The following ST8SIA4 variants were observed in gnomAD, a reference collection of about 807,000 sequenced individuals.
ST8SIA4 encodes the protein CMP-N-acetylneuraminate-poly-alpha-2,8-sialyltransferase.
A neutral mutation model predicts 33.9 loss-of-function variants in ST8SIA4; 15 were observed. That is an observed-to-expected ratio of 0.44 (90% CI 0.30 to 0.68). The LOEUF (loss-of-function observed/expected upper bound fraction) is 0.68, where lower values mean the gene tolerates loss of function less well. Ranked by LOEUF, ST8SIA4 falls within the 30% of genes least tolerant of loss-of-function variation. The probability of loss-of-function intolerance (pLI) is 0.10; values close to 1 mark genes in which losing one functional copy is unlikely to be tolerated. For synonymous variants in ST8SIA4, 171 were observed against 151.2 expected (o/e 1.13, Z -0.96); for missense variants, 321 against 428.0 (o/e 0.75, Z 2.21).
intron 4 of ST8SIA4, among the ~76,000 whole-genome samples, chr5:100,840,199 C>A (rs1751444509): frequency 6.6e-6 from 1 of 151,566 alleles, no homozygotes; most frequent in Non-Finnish European, 1.5e-5. Context: ...TTTCCTTTCA[C>A]CCTTTTATTT....
At chr5:100,883,988 C>A (rs970822404) in intron 3 of ST8SIA4, among the ~76,000 whole-genome samples, 9 of 151,896 alleles carry the variant, frequency 5.9e-5, no homozygotes, top group Admixed American at 5.2e-4. Flanking sequence ...CAATAGTGGA[C>A]AAGAAACTAA....
intron 4 of ST8SIA4, among the ~76,000 whole-genome samples, chr5:100,814,190 C>G (rs527484370): frequency 1.3e-5 from 2 of 152,062 alleles, no homozygotes; most frequent in Non-Finnish European, 2.9e-5. Flanking sequence ...GACGTGAAAT[C>G]ACTCCAAATT....
chr5:100,901,855 C>T (rs1015792681), intron 1 of ST8SIA4, among the ~76,000 whole-genome samples: 10 of 152,202 alleles, frequency 6.6e-5, no homozygotes, highest in African/African-American at 2.4e-4. Flanking sequence ...ATCTCTCTCT[C>T]TCTCACACAC....
intron 4 of ST8SIA4, among the ~76,000 whole-genome samples, chr5:100,851,712 T>A (rs1266176847): frequency 6.6e-6 from 1 of 152,124 alleles, no homozygotes; most frequent in Admixed American, 6.5e-5. Context: ...TAAGAAATTC[T>A]CGTCATAGTT....
chr5:100,892,523 T>G (rs1752694428), intron 2 of ST8SIA4, among the ~76,000 whole-genome samples: 1 of 152,046 alleles, frequency 6.6e-6, no homozygotes, highest in Non-Finnish European at 1.5e-5. Flanking sequence ...CTTGGTGTGC[T>G]TATGAAAATA....
chr5:100,868,528 C>T (rs771957145), intron 3 of ST8SIA4, among the ~76,000 whole-genome samples: 20 of 152,054 alleles, frequency 1.3e-4, no homozygotes, highest in Non-Finnish European at 2.1e-4. Flanking sequence ...TTAAAATGTA[C>T]GTTTAATCAT....
intron 1 of ST8SIA4, among the ~76,000 whole-genome samples, chr5:100,897,575 C>T (rs898076600): frequency 1.3e-5 from 2 of 152,056 alleles, no homozygotes; most frequent in Admixed American, 6.6e-5. Context: ...GCAGGCAATC[C>T]TCTCCTAGTA....
At chr5:100,889,046 A>G (rs1236247615) in intron 2 of ST8SIA4, among the ~76,000 whole-genome samples, 1 of 151,916 alleles carries the variant, frequency 6.6e-6, no homozygotes, top group Admixed American at 6.6e-5. Context: ...AACAAAGTCC[A>G]GGTTATATAA....
chr5:100,882,301 C>T (rs1441606109), intron 3 of ST8SIA4, among the ~76,000 whole-genome samples: 2 of 152,068 alleles, frequency 1.3e-5, no homozygotes, highest in African/African-American at 2.4e-5. Flanking sequence ...GGCATTTTGC[C>T]CCTGCCCTAG....
At chr5:100,824,652 C>G (rs1393594686) in intron 4 of ST8SIA4, among the ~76,000 whole-genome samples, 2 of 151,714 alleles carry the variant, frequency 1.3e-5, no homozygotes, top group Non-Finnish European at 2.9e-5. Flanking sequence ...ATTATAGCAT[C>G]TGAAAAAAAA....
chr5:100,856,104 C>G lies in ST8SIA4; in HGVS notation c.796G>C (p.Gly266Arg). The G allele has an allele frequency of 6.2e-7, 1 of 1,613,486 alleles. No homozygotes were observed. The highest frequency in any genetic ancestry group is 8.5e-7 in the Non-Finnish European group (1 of 1,179,540). The stretch of plus-strand genomic sequence containing the variant: ...AACTGGTCCTTTCCAGTCACTTACC[C>G]TCTGACAGCATGAATAAGTCTCAAT... ...PSLRLIHAVR[G>R]YWLTNKVPIK... Residue 266 changes from glycine (G) to arginine (R), a missense_variant and splice_region_variant, in exon 4 of 5, where the codon GGT becomes CGT. Transcript: ENST00000231461.
chr5:100,896,047 A>T (rs1752772581), intron 1 of ST8SIA4, among the ~76,000 whole-genome samples: 1 of 152,106 alleles, frequency 6.6e-6, no homozygotes, highest in Non-Finnish European at 1.5e-5. Flanking sequence ...AAAGAAAAAA[A>T]ATCACCAAAT....
At position 100,903,096 on chromosome 5, in the gene ST8SIA4, C is replaced by A; in HGVS notation, c.-141G>T. 1 of 640,702 alleles carries A rather than the reference C, an allele frequency of 1.6e-6. No homozygotes were observed. The allele number at this position is 640,702 out of a possible 1,614,324, so 39.7% of individuals were successfully genotyped here. A position where few individuals can be genotyped will look rare whatever the true frequency, so the allele number is the denominator to read the frequency against. ...TGGAGCCGGGATCCCGGGATCAGATCACTGGGGTCTTCTGTGGCCGAGCTC... is the reference window on the plus strand; with the variant it reads ...TGGAGCCGGGATCCCGGGATCAGATAACTGGGGTCTTCTGTGGCCGAGCTC... On this transcript the variant is annotated 5_prime_UTR_variant, in exon 1 of 5. It removes the in-frame stop codon of an upstream open reading frame in the 5' UTR. Transcript: ENST00000231461.
chr5:100,893,558 G>T (rs1303527973), intron 2 of ST8SIA4, among the ~76,000 whole-genome samples: 1 of 151,992 alleles, frequency 6.6e-6, no homozygotes, highest in Non-Finnish European at 1.5e-5. Flanking sequence ...ATTGTAATAC[G>T]AATCTTTTGG....
At chr5:100,820,091 G>A (rs1267785509) in intron 4 of ST8SIA4, among the ~76,000 whole-genome samples, 1 of 152,088 alleles carries the variant, frequency 6.6e-6, no homozygotes, top group Non-Finnish European at 1.5e-5. Flanking sequence ...TGTGATCTTG[G>A]TCAAACCATT....
chr5:100,835,454 A>G (rs991350341), intron 4 of ST8SIA4, among the ~76,000 whole-genome samples: 1 of 152,146 alleles, frequency 6.6e-6, no homozygotes, highest in Non-Finnish European at 1.5e-5. Context: ...TGGCTACTTG[A>G]AATTTGAAAA....
chr5:100,830,676 G>A (rs2112414153), intron 4 of ST8SIA4, among the ~76,000 whole-genome samples: 1 of 152,246 alleles, frequency 6.6e-6, no homozygotes, highest in South Asian at 2.1e-4. Flanking sequence ...AGCAGTCAAG[G>A]ACACACCATC....
intron 3 of ST8SIA4, chr5:100,885,302 G>A: frequency 1.1e-6 from 1 of 903,052 alleles, no homozygotes; most frequent in Middle Eastern, 5.7e-4. Flanking sequence ...GAGAGAAAAG[G>A]AAAGATAATA....
intron 3 of ST8SIA4, among the ~76,000 whole-genome samples, chr5:100,868,931 G>A (rs531969554): frequency 3.3e-5 from 5 of 151,984 alleles, no homozygotes; most frequent in Non-Finnish European, 7.4e-5. Flanking sequence ...TACTTGTATA[G>A]GGATTGACAT....
Sources: gnomAD v4.1 joint callset for allele counts (sites outside exome capture counted in the v4.1 genomes callset) on GRCh38, gnomAD v4.1.1 for gene constraint, MANE v1.5 for transcripts, NCBI Gene and HGNC (gene_info 2026-07-23, HGNC 2026-07-21) for gene names.